MAD1L1: variants seen among roughly 807,000 people sequenced by gnomAD.
MAD1L1 encodes the protein mitotic arrest deficient 1 like 1, also known as mitotic spindle assembly checkpoint protein MAD1.
In MAD1L1, 95 loss-of-function variants were observed where a neutral mutation model predicts 96.9. That is an observed-to-expected ratio of 0.98 (90% confidence interval 0.83 to 1.16). The LOEUF (loss-of-function observed/expected upper bound fraction) is 1.16, where lower values mean the gene tolerates loss of function less well. Among genes scored for constraint, MAD1L1 ranks in the 50% most tolerant of loss-of-function variants. The probability of loss-of-function intolerance (pLI) is 0.00; values close to 1 mark genes in which losing one functional copy is unlikely to be tolerated. For synonymous variants in MAD1L1, 473 were observed against 396.6 expected, an observed-to-expected ratio of 1.19 and a Z score of -2.29; for missense variants, 1,007 against 954.4, an observed-to-expected ratio of 1.06 and a Z score of -0.73.
intron 17 of MAD1L1, among the ~76,000 whole-genome samples, chr7:1,926,623 GA>G (rs1280419318): frequency 1.3e-5 from 2 of 151,922 alleles, no homozygotes; most frequent in Non-Finnish European, 2.9e-5. Context: ...CGGTGTAAGG[GA>G]AAAAAAACAT....
At chr7:2,033,989 G>A (rs1783350846) in intron 12 of MAD1L1, among the ~76,000 whole-genome samples, 1 of 152,070 alleles carries the variant, frequency 6.6e-6, no homozygotes, top group African/African-American at 2.4e-5. Context: ...CCAGCTACTG[G>A]GGAGGCTCAG....
At chr7:2,199,585 T>G (rs1792173579) in intron 10 of MAD1L1, among the ~76,000 whole-genome samples, 1 of 152,266 alleles carries the variant, frequency 6.6e-6, no homozygotes, top group Non-Finnish European at 1.5e-5. Flanking sequence ...GATTCCTAAA[T>G]CAGCAGTCTT....
rs544226604 is a variant in MAD1L1 at position 1,913,211 on chromosome 7, C to T, written c.1808-14821G>A. 5.9e-5 allele frequency among the ~76,000 whole-genome samples: 9 copies of T among 152,128 alleles called. No individual in the cohort carries two copies. The South Asian group carries it at 1.5e-3, about 25-fold the overall frequency. Reference sequence around the variant, plus strand: ...TGAACTCTTCAGATAGCAGGAGACTCGGGAAGAGGACACGGAACTGCTCCA... The same window carrying T: ...TGAACTCTTCAGATAGCAGGAGACTTGGGAAGAGGACACGGAACTGCTCCA... On this transcript the variant is annotated intron_variant, in intron 17 of 18. Transcript: ENST00000265854.
chr7:2,180,077 C>T (rs903468103), intron 10 of MAD1L1, among the ~76,000 whole-genome samples: 1 of 152,228 alleles, frequency 6.6e-6, no homozygotes, highest in Non-Finnish European at 1.5e-5. Flanking sequence ...TCAACCACTT[C>T]AACATCACAA....
intron 10 of MAD1L1, among the ~76,000 whole-genome samples, chr7:2,174,964 G>A (rs1251760288): frequency 6.6e-6 from 1 of 152,188 alleles, no homozygotes; most frequent in African/African-American, 2.4e-5. Context: ...AGAGTTGTGA[G>A]GTGGCGACTT....
At chr7:2,094,258 C>A (rs1786361199) in intron 11 of MAD1L1, among the ~76,000 whole-genome samples, 1 of 152,184 alleles carries the variant, frequency 6.6e-6, no homozygotes, top group Non-Finnish European at 1.5e-5. Context: ...TCCCAGTGGC[C>A]AGCACTCCCT....
intron 11 of MAD1L1, among the ~76,000 whole-genome samples, chr7:2,127,508 C>T (rs937640892): frequency 1.3e-5 from 2 of 152,262 alleles, no homozygotes; most frequent in African/African-American, 2.4e-5. Flanking sequence ...GGAGCGGGCC[C>T]GACCACACCG....
chr7:2,189,773 A>C (rs1791632251), intron 10 of MAD1L1, among the ~76,000 whole-genome samples: 1 of 152,232 alleles, frequency 6.6e-6, no homozygotes, highest in African/African-American at 2.4e-5. Flanking sequence ...GTACACTTAA[A>C]AACAGTTAAC....
intron 10 of MAD1L1, among the ~76,000 whole-genome samples, chr7:2,166,863 G>C (rs1216465189): frequency 6.6e-6 from 1 of 152,212 alleles, no homozygotes; most frequent in African/African-American, 2.4e-5. Flanking sequence ...GCCCAGGGAA[G>C]GGCAGCCCAT....
At chr7:2,017,356 C>T (rs1004627117) in intron 12 of MAD1L1, among the ~76,000 whole-genome samples, 3 of 152,232 alleles carry the variant, frequency 2.0e-5, no homozygotes, top group African/African-American at 7.2e-5. Context: ...TCCTTAGGTA[C>T]AGAAACGTCC....
intron 11 of MAD1L1, among the ~76,000 whole-genome samples, chr7:2,122,339 A>G (rs1271145549): frequency 6.6e-6 from 1 of 152,208 alleles, no homozygotes; most frequent in Non-Finnish European, 1.5e-5. Context: ...TAAAACAGCC[A>G]ATCCCTGGCT....
chr7:1,945,528 C>A (rs1779189314), intron 16 of MAD1L1, among the ~76,000 whole-genome samples: 1 of 152,186 alleles, frequency 6.6e-6, no homozygotes, highest in Non-Finnish European at 1.5e-5. Flanking sequence ...GTCACAGCCG[C>A]AACCCAGGAG....
chr7:1,949,444 C>T (rs1366211465), intron 16 of MAD1L1, among the ~76,000 whole-genome samples: 4 of 152,324 alleles, frequency 2.6e-5, no homozygotes, highest in East Asian at 1.9e-4. Flanking sequence ...GGACTCAAGA[C>T]GTCCTTGAGA....
chr7:1,915,480 C>T (rs952937331), intron 17 of MAD1L1, among the ~76,000 whole-genome samples: 3 of 152,130 alleles, frequency 2.0e-5, no homozygotes, highest in African/African-American at 4.8e-5. Flanking sequence ...TCAGGGGCAG[C>T]GAGGAACGCC....
intron 10 of MAD1L1, among the ~76,000 whole-genome samples, chr7:2,190,733 G>A (rs1791679309): frequency 6.6e-6 from 1 of 152,212 alleles, no homozygotes; most frequent in Non-Finnish European, 1.5e-5. Context: ...AGGGCAACAG[G>A]AATGAAGGCC....
chr7:1,834,579 A>T (rs934945140), intron 18 of MAD1L1, among the ~76,000 whole-genome samples: 84 of 152,380 alleles, frequency 5.5e-4, no homozygotes, highest in African/African-American at 1.9e-3. Context: ...CCACAAAAGA[A>T]AAAGACAATG....
In MAD1L1 at chr7:2,114,022, C is replaced by T. The variant is rs529115643; in HGVS notation, c.1073+35130G>A. Among the ~76,000 whole-genome samples the T allele has an allele frequency of 5.5e-4, 83 of 152,282 alleles. 2 individuals carry two copies. In the South Asian group the frequency reaches 0.016, roughly 30 times the overall value. On this transcript the variant is annotated intron_variant, in intron 11 of 18. Transcript: ENST00000265854. The surrounding 1 kb of genome is among the most constrained non-coding windows in gnomAD (Gnocchi z 4.2). ...AGAAAAAGGAGCTCAGTGGGAGAGC[C>T]GGCAAGACCTGAACGCAGTCAGGAC...
At chr7:1,921,342 AG>A (rs1404764717) in intron 17 of MAD1L1, among the ~76,000 whole-genome samples, 1 of 150,124 alleles carries the variant, frequency 6.7e-6, no homozygotes, top group Non-Finnish European at 1.5e-5. Flanking sequence ...TTTTGGAGAC[AG>A]GGTCTATCTC....
intron 17 of MAD1L1, among the ~76,000 whole-genome samples, chr7:1,912,153 G>A (rs1048478235): frequency 6.6e-6 from 1 of 152,212 alleles, no homozygotes; most frequent in Non-Finnish European, 1.5e-5. Flanking sequence ...GGTCCAGATG[G>A]CGGCAGGGGC....
Sources: gnomAD v4.1 joint callset for allele counts (sites outside exome capture counted in the v4.1 genomes callset) on GRCh38, gnomAD v4.1.1 for gene constraint, Gnocchi (gnomAD v3.1) non-coding constraint, MANE v1.5 for transcripts, NCBI Gene and HGNC (gene_info 2026-07-23, HGNC 2026-07-21) for gene names.